The following RBFOX1 variants were observed in gnomAD, a reference collection of about 807,000 sequenced individuals.
RBFOX1 encodes the protein RNA binding protein fox-1 homolog 1.
A neutral mutation model predicts 57.7 loss-of-function variants in RBFOX1; 8 were observed. The ratio of observed to expected loss-of-function variants is 0.14; its 90% CI spans 0.08 to 0.25. RBFOX1 has a LOEUF of 0.25. RBFOX1 is among the 10% of genes least tolerant of loss of function. RBFOX1 has a pLI of 1.00. For missense variants in RBFOX1, 611 were observed against 548.5 expected (o/e 1.11, Z -1.14); for synonymous variants, 326 against 222.4 (o/e 1.47, Z -4.15).
intron 4 of RBFOX1, among the ~76,000 whole-genome samples, chr16:7,323,283 A>G (rs2096569219): frequency 6.6e-6 from 1 of 152,098 alleles, no homozygotes; most frequent in Non-Finnish European, 1.5e-5. Flanking sequence ...AAATTGCCAG[A>G]CGTGCTGGTA....
intron 3 of RBFOX1, among the ~76,000 whole-genome samples, chr16:6,754,580 A>C (rs919799251): frequency 6.6e-5 from 10 of 152,062 alleles, no homozygotes; most frequent in African/African-American, 2.2e-4. Flanking sequence ...ATTGGCCTCC[A>C]CTAATTTTTT....
intron 1 of RBFOX1, among the ~76,000 whole-genome samples, chr16:6,301,580 C>A (rs994040557): frequency 6.6e-6 from 1 of 151,804 alleles, no homozygotes; most frequent in Non-Finnish European, 1.5e-5. Context: ...TTACAGAAAA[C>A]GTTTAGGGAA....
chr16:6,345,368 C>T (rs1028200347), intron 2 of RBFOX1, among the ~76,000 whole-genome samples: 22 of 152,170 alleles, frequency 1.4e-4, no homozygotes, highest in South Asian at 4.1e-4. Context: ...CTTTTAATTA[C>T]ATGGAAATTA....
At chr16:6,197,625 A>G (rs1419595823) in intron 1 of RBFOX1, among the ~76,000 whole-genome samples, 10 of 148,894 alleles carry the variant, frequency 6.7e-5, no homozygotes, top group South Asian at 6.6e-4. Flanking sequence ...TTGGTGCACA[A>G]TGAGTTTCTT....
chr16:5,690,028 C>T (rs1299722692), intron 3 of RBFOX1, among the ~76,000 whole-genome samples: 1 of 152,120 alleles, frequency 6.6e-6, no homozygotes, highest in East Asian at 1.9e-4. Flanking sequence ...GAGGAAAAGA[C>T]CTGAGTGTGC....
intron 4 of RBFOX1, among the ~76,000 whole-genome samples, chr16:7,094,885 C>G (rs1193251269): frequency 1.3e-5 from 2 of 151,942 alleles, no homozygotes; most frequent in South Asian, 2.1e-4. Flanking sequence ...AACGTGTTCT[C>G]TTTAATCACA....
intron 3 of RBFOX1, among the ~76,000 whole-genome samples, chr16:7,013,978 C>T (rs958341685): frequency 2.6e-5 from 4 of 152,092 alleles, no homozygotes; most frequent in Non-Finnish European, 5.9e-5. Context: ...ATACTCTATT[C>T]CGTACGTCAG....
intron 4 of RBFOX1, among the ~76,000 whole-genome samples, chr16:7,102,098 A>G (rs1260725710): frequency 6.6e-6 from 1 of 152,104 alleles, no homozygotes; most frequent in East Asian, 1.9e-4. Flanking sequence ...ACAACCAAAC[A>G]TACAGGCAGA....
intron 2 of RBFOX1, among the ~76,000 whole-genome samples, chr16:6,511,031 A>G (rs943338486): frequency 4.6e-5 from 7 of 152,250 alleles, no homozygotes; most frequent in Non-Finnish European, 8.8e-5. Flanking sequence ...TGAGGGGTGT[A>G]TGTTTAAAAG....
chr16:7,475,309 CTT>C lies in RBFOX1; in HGVS notation c.28-42821_28-42820del, dbSNP rs753509713. On this transcript the variant is annotated intron_variant, in intron 4 of 15. Coordinates refer to ENST00000550418, the MANE Select transcript of RBFOX1 (RefSeq NM_018723.4). Reference sequence around the variant, plus strand: ...TTAATAGATTTGAAGGATGGGCATTCTTTTTTTTTTTTTTTTTTCTTTCTAGA... The same window carrying C: ...TTAATAGATTTGAAGGATGGGCATTCTTTTTTTTTTTTTTTTCTTTCTAGA... 1.4e-3 allele frequency among the ~76,000 whole-genome samples: 187 copies of C among 132,708 alleles called. 1 individual carries two copies. Among genetic ancestry groups the C allele is most frequent in the African/African-American group, 4.5e-3 (160 of 35,766 alleles). 87.1% of individuals were successfully genotyped at this position (132,708 alleles called of 152,430 possible). A position where few individuals can be genotyped will look rare whatever the true frequency, so the allele number is the denominator to read the frequency against.
At chr16:7,384,731 A>G (rs1049220078) in intron 4 of RBFOX1, among the ~76,000 whole-genome samples, 6 of 152,220 alleles carry the variant, frequency 3.9e-5, no homozygotes, top group South Asian at 4.1e-4. Flanking sequence ...GTAAGTCAGG[A>G]TGAGTCTCTC....
chr16:7,315,094 T>TTC (rs1323102269), intron 4 of RBFOX1, among the ~76,000 whole-genome samples: 61 of 147,854 alleles, frequency 4.1e-4, no homozygotes, highest in Admixed American at 2.0e-3. Context: ...AAAAGCTCTT[T>TTC]TTTTTTTTTT....
At chr16:6,055,254 C>T (rs2095600605) in intron 1 of RBFOX1, among the ~76,000 whole-genome samples, 1 of 152,048 alleles carries the variant, frequency 6.6e-6, no homozygotes, top group Non-Finnish European at 1.5e-5. Flanking sequence ...TTTCAATGCA[C>T]TTGTGTCAAG....
intron 4 of RBFOX1, among the ~76,000 whole-genome samples, chr16:7,501,484 A>G (rs772921437): frequency 9.2e-5 from 14 of 152,202 alleles, no homozygotes; most frequent in African/African-American, 1.4e-4. Context: ...ATGCTGTCCT[A>G]TAAGACAGAC....
At chr16:7,333,078 G>A (rs750293427) in intron 4 of RBFOX1, 1 of 1,613,614 alleles carries the variant, frequency 6.2e-7, no homozygotes, top group African/African-American at 1.3e-5. Flanking sequence ...TACCTTCCTG[G>A]ACTGATTCAG....
rs1291734315 is a variant in RBFOX1, at chr16:7,546,453, G to A, written c.270+28064G>A. Among the ~76,000 whole-genome samples, 6 of 152,118 alleles carry A rather than the reference G, an allele frequency of 3.9e-5. No homozygotes were observed. The East Asian group carries it at 5.8e-4, about 15-fold the overall frequency. ...AAACTAATACAACGCAATCCCTTAT[G>A]GTGTGCTTAAACCCATATTCAATAT... is the stretch of plus-strand genomic sequence containing the variant. On this transcript the variant is annotated intron_variant, in intron 5 of 15. Coordinates refer to ENST00000550418, the MANE Select transcript of RBFOX1 (RefSeq NM_018723.4).
intron 1 of RBFOX1, among the ~76,000 whole-genome samples, chr16:6,081,296 G>A (rs1007964515): frequency 6.6e-6 from 1 of 152,174 alleles, no homozygotes; most frequent in African/African-American, 2.4e-5. Flanking sequence ...ATTGGACAAG[G>A]TTCCCCCAAG....
intron 2 of RBFOX1, among the ~76,000 whole-genome samples, chr16:6,374,384 C>T (rs900608855): frequency 6.6e-6 from 1 of 152,158 alleles, no homozygotes; most frequent in Non-Finnish European, 1.5e-5. Flanking sequence ...TTCTGAATAC[C>T]TGTTTTATCC....
chr16:5,325,362 C>G (rs1049762313), intron 1 of RBFOX1, among the ~76,000 whole-genome samples: 7 of 152,206 alleles, frequency 4.6e-5, no homozygotes, highest in Non-Finnish European at 8.8e-5. Context: ...TTGACAAGAT[C>G]CTATTCCTGC....
Sources: allele counts gnomAD v4.1 joint callset (sites outside exome capture counted in the v4.1 genomes callset), GRCh38; gene constraint gnomAD v4.1.1; transcripts MANE v1.5; gene names NCBI Gene and HGNC (gene_info 2026-07-23, HGNC 2026-07-21).